The following NOTCH2NLA variants were observed in gnomAD, a reference collection of about 807,000 sequenced individuals.
The protein encoded by NOTCH2NLA is notch 2 N-terminal like A.
At chr1:146,185,322 C>T (rs1662707892) in intron 2 of NOTCH2NLA, among the ~76,000 whole-genome samples, 1 of 135,472 alleles carries the variant, frequency 7.4e-6, no homozygotes. Context: ...TGATTAATGA[C>T]ATCAAATTTA....
intron 1 of NOTCH2NLA, among the ~76,000 whole-genome samples, chr1:146,200,722 A>G (rs1206462727): frequency 1.9e-4 from 25 of 128,492 alleles, no homozygotes; most frequent in Non-Finnish European, 3.7e-4. Context: ...TATCTTTAAG[A>G]CTACTCAGAT....
intron 3 of NOTCH2NLA, among the ~76,000 whole-genome samples, chr1:146,159,540 C>T (rs1661383063): frequency 6.7e-6 from 1 of 149,136 alleles, no homozygotes; most frequent in African/African-American, 2.5e-5. Context: ...TAACTTGCTG[C>T]CTATGCTTCT....
chr1:146,159,396 AAAGAAAG>A (rs1661351675), intron 3 of NOTCH2NLA, among the ~76,000 whole-genome samples: 1 of 87,218 alleles, frequency 1.1e-5, no homozygotes, highest in African/African-American at 5.2e-5. Context: ...AAAGAGAGAG[AAAGAAAG>A]AAAGAAAGAA....
At position 146,180,607 on chromosome 1, in the gene NOTCH2NLA, C is replaced by T. The variant is rs1206751757; in HGVS notation, c.38+8693G>A. Among the ~76,000 whole-genome samples, 8 of 143,284 alleles carry T rather than the reference C, an allele frequency of 5.6e-5. 2 individuals are homozygous for T. The highest frequency in any genetic ancestry group is 2.1e-4 in the Admixed American group (3 of 14,130). The allele number at this position is 143,284 out of a possible 152,430, so 94.0% of individuals were successfully genotyped here. ...CCAATAGAAATTTTAATTTACCTTACGTTGGGTTGTAAGGTAAAACCCAAC... is the reference window on the plus strand; with the variant it reads ...CCAATAGAAATTTTAATTTACCTTATGTTGGGTTGTAAGGTAAAACCCAAC... On this transcript the variant is annotated intron_variant, in intron 2 of 4. Coordinates refer to ENST00000362074, the Ensembl canonical transcript of NOTCH2NLA.
At chr1:146,228,787 C>G (rs1190555207) in exon 1 of NOTCH2NLA, 1 of 1,570,496 alleles carries the variant, frequency 6.4e-7, no homozygotes, top group Non-Finnish European at 8.6e-7. Context: ...GGTATCTTCT[C>G]GGTCGCCTCC....
rs782135976 is a variant in NOTCH2NLA at position 146,228,680 on chromosome 1, C to G, written c.-45+29G>C. On this transcript the variant is annotated intron_variant, in intron 1 of 4. Transcript: ENST00000362074. The stretch of plus-strand genomic sequence containing the variant: ...CCCCAGGTGGCAGCCCCGGGCGCCG[C>G]GGACAGCGCCCCTCAGCCCGATACT... 2.0e-5 allele frequency: 30 copies of G among 1,496,856 alleles called. 1 individual carries two copies. The highest frequency in any genetic ancestry group is 2.1e-5 in the Non-Finnish European group (24 of 1,133,464). 92.7% of individuals were successfully genotyped at this position (1,496,856 alleles called of 1,614,324 possible). A position where few individuals can be genotyped will look rare whatever the true frequency, so the allele number is the denominator to read the frequency against.
intron 2 of NOTCH2NLA, among the ~76,000 whole-genome samples, chr1:146,171,410 A>G (rs78443117): frequency 3.2e-4 from 45 of 140,550 alleles, no homozygotes; most frequent in Non-Finnish European, 6.1e-4. Context: ...CAGCCTGGGC[A>G]ACAGAGCGAG....
intron 2 of NOTCH2NLA, among the ~76,000 whole-genome samples, chr1:146,180,575 C>A (rs76027506): frequency 7.0e-6 from 1 of 142,936 alleles, no homozygotes; most frequent in Non-Finnish European, 1.6e-5. Context: ...AGAAAATGTG[C>A]GGAAATCCAA....
chr1:146,180,655 T>A (rs1553809092), intron 2 of NOTCH2NLA, among the ~76,000 whole-genome samples: 1 of 143,258 alleles, frequency 7.0e-6, no homozygotes, highest in African/African-American at 2.4e-5. Flanking sequence ...GAAAACAAAA[T>A]GCATAACACA....
At chr1:146,186,780 A>T (rs1365311033) in intron 2 of NOTCH2NLA, among the ~76,000 whole-genome samples, 1 of 132,544 alleles carries the variant, frequency 7.5e-6, no homozygotes, top group Non-Finnish European at 1.7e-5. Flanking sequence ...TATATAAGTC[A>T]CCAAGTTGAA....
intron 3 of NOTCH2NLA, among the ~76,000 whole-genome samples, chr1:146,159,966 C>CAAAAAAAAAAA (rs782308523): frequency 4.0e-4 from 3 of 7,436 alleles, no homozygotes; most frequent in East Asian, 0.012. Context: ...TACTCCATCT[C>CAAAAAAAAAAA]AAAAAAAAAA....
chr1:146,180,440 G>C (rs1325412672), intron 2 of NOTCH2NLA, among the ~76,000 whole-genome samples: 1 of 140,756 alleles, frequency 7.1e-6, no homozygotes, highest in Non-Finnish European at 1.6e-5. Flanking sequence ...AGCATTTTGA[G>C]CAGAAATTAA....
intron 2 of NOTCH2NLA, among the ~76,000 whole-genome samples, chr1:146,174,400 CTT>C (rs1209878010): frequency 1.4e-4 from 13 of 95,776 alleles, no homozygotes; most frequent in South Asian, 6.6e-4. Flanking sequence ...CTGTCTTTAG[CTT>C]TTTTTTTTTT....
At chr1:146,219,870 C>T (rs1275450718) in intron 1 of NOTCH2NLA, among the ~76,000 whole-genome samples, 2 of 83,694 alleles carry the variant, frequency 2.4e-5, no homozygotes, top group Non-Finnish European at 4.3e-5. Context: ...AAACCAAAGA[C>T]GTATACCAAA....
chr1:146,159,995 A>AAAAAAAAG (rs1661423611), intron 3 of NOTCH2NLA, among the ~76,000 whole-genome samples: 6 of 130,388 alleles, frequency 4.6e-5, no homozygotes, highest in African/African-American at 1.1e-4. Flanking sequence ...AAAAAAAAAA[A>AAAAAAAAG]GGTGATCAGA....
intron 3 of NOTCH2NLA, among the ~76,000 whole-genome samples, chr1:146,157,456 CAAAA>C (rs59051402): frequency 8.2e-6 from 1 of 122,522 alleles, no homozygotes; most frequent in Non-Finnish European, 1.8e-5. Flanking sequence ...GACTCCATTT[CAAAA>C]AAAAAAAAAA....
chr1:146,157,477 T>A, intron 3 of NOTCH2NLA, among the ~76,000 whole-genome samples: 1 of 134,704 alleles, frequency 7.4e-6, no homozygotes. Flanking sequence ...AAAAATCAAC[T>A]TCCCTTCTGT....
At chr1:146,173,125 C>T (rs1662082162) in intron 2 of NOTCH2NLA, among the ~76,000 whole-genome samples, 1 of 147,622 alleles carries the variant, frequency 6.8e-6, no homozygotes, top group Non-Finnish European at 1.5e-5. Flanking sequence ...CCCTTGTTTC[C>T]TAAGGCAGGA....
At chr1:146,185,580 C>A (rs1662718485) in intron 2 of NOTCH2NLA, among the ~76,000 whole-genome samples, 1 of 135,208 alleles carries the variant, frequency 7.4e-6, no homozygotes, top group African/African-American at 2.5e-5. Context: ...AAGTAGTTAT[C>A]TTCATCTGTC....
Sources: allele counts gnomAD v4.1 joint callset (sites outside exome capture counted in the v4.1 genomes callset), GRCh38; gene constraint gnomAD v4.1.1; transcripts MANE v1.5; gene names NCBI Gene and HGNC (gene_info 2026-07-23, HGNC 2026-07-21).